APIP: variants seen among roughly 807,000 people sequenced by gnomAD.
APIP encodes methylthioribulose-1-phosphate dehydratase.
Under a neutral mutation model 32.0 loss-of-function variants are expected in APIP, and 32 were observed. The ratio of observed to expected loss-of-function variants is 1.00; its 90% CI spans 0.76 to 1.34. The LOEUF (loss-of-function observed/expected upper bound fraction) is 1.34, where lower values mean the gene tolerates loss of function less well. Among genes scored for constraint, APIP ranks in the 40% most tolerant of loss-of-function variants. The pLI is 0.00. For synonymous variants in APIP, 92 were observed against 94.8 expected (o/e 0.97, Z 0.17); for missense variants, 247 against 298.6 (o/e 0.83, Z 1.27).
intron 1 of APIP, among the ~76,000 whole-genome samples, chr11:34,905,824 G>A (rs1486436843): frequency 6.6e-6 from 1 of 152,110 alleles, no homozygotes; most frequent in African/African-American, 2.4e-5. Context: ...CCCCCTCATG[G>A]AATTCCAGAC....
At chr11:34,887,178 G>A (rs1430904959) in intron 5 of APIP, among the ~76,000 whole-genome samples, 1 of 141,786 alleles carries the variant, frequency 7.1e-6, no homozygotes, top group Non-Finnish European at 1.6e-5. Flanking sequence ...CACCATGCTT[G>A]GCCTCTCCAC....
intron 1 of APIP, chr11:34,896,874 AC>A: frequency 8.3e-7 from 1 of 1,197,744 alleles, no homozygotes; most frequent in South Asian, 1.3e-5. Flanking sequence ...ATGAGACAAA[AC>A]CCAGGGCCTG....
At chr11:34,909,163 C>T (rs538024958) in intron 1 of APIP, among the ~76,000 whole-genome samples, 12 of 152,038 alleles carry the variant, frequency 7.9e-5, no homozygotes, top group African/African-American at 2.9e-4. Flanking sequence ...AGGAGACAAA[C>T]GAAGGCTTCA....
Position 34,893,901 on chromosome 11 carries a change from A to T in APIP, c.158+1109T>A, listed in dbSNP as rs1196811636. Among the ~76,000 whole-genome samples, 3 of 152,226 alleles carry T rather than the reference A, an allele frequency of 2.0e-5. No homozygotes were observed. In the East Asian group the frequency reaches 5.8e-4, roughly 29 times the overall value. On this transcript the variant is annotated intron_variant, in intron 2 of 6. Coordinates refer to ENST00000395787, the MANE Select transcript of APIP (RefSeq NM_015957.4). ...TTGGGGGCATGACTATATATATTCA[A>T]CAGCACATAAATATTTTAATAATCC...
chr11:34,899,650 T>C, intron 1 of APIP, among the ~76,000 whole-genome samples: 1 of 152,156 alleles, frequency 6.6e-6, no homozygotes, highest in East Asian at 1.9e-4. Flanking sequence ...GTCGCAGAAG[T>C]CTAGGAGGTT....
intron 5 of APIP, among the ~76,000 whole-genome samples, chr11:34,887,188 C>T (rs1178118988): frequency 1.0e-5 from 1 of 97,922 alleles, no homozygotes; most frequent in Non-Finnish European, 2.6e-5. Context: ...GGCCTCTCCA[C>T]AAAATTGCAA....
chr11:34,905,913 C>T (rs1203313353), intron 1 of APIP, among the ~76,000 whole-genome samples: 1 of 152,154 alleles, frequency 6.6e-6, no homozygotes, highest in Non-Finnish European at 1.5e-5. Flanking sequence ...CAGCCCTTGC[C>T]ACAGGATCAT....
chr11:34,883,624 C>T lies in APIP; in HGVS notation c.462-120G>A, dbSNP rs188743195. 20 of 926,868 alleles carry T rather than the reference C, an allele frequency of 2.2e-5. No individual in the cohort carries two copies. In the East Asian group the frequency reaches 5.0e-4, roughly 23 times the overall value. The allele number at this position is 926,868 out of a possible 1,614,324, so 57.4% of individuals were successfully genotyped here. Reference sequence around the variant, plus strand: ...GCTGTTTGTGTCTGAAAAGCCACTCCAAATTATGAACAGGATGTTGCGTGT... The same window carrying T: ...GCTGTTTGTGTCTGAAAAGCCACTCTAAATTATGAACAGGATGTTGCGTGT... On this transcript the variant is annotated intron_variant, in intron 5 of 6. Coordinates refer to ENST00000395787, the MANE Select transcript of APIP (RefSeq NM_015957.4).
chr11:34,912,706 G>C (rs183135190), intron 1 of APIP, among the ~76,000 whole-genome samples: 1 of 152,160 alleles, frequency 6.6e-6, no homozygotes, highest in Non-Finnish European at 1.5e-5. Context: ...GATGCTTCCC[G>C]ACTTGAACAC....
chr11:34,887,797 A>G (rs1853104408), intron 5 of APIP, among the ~76,000 whole-genome samples: 1 of 152,176 alleles, frequency 6.6e-6, no homozygotes, highest in Non-Finnish European at 1.5e-5. Context: ...TAGAATGGTA[A>G]TCTATACTTA....
At chr11:34,905,372 C>A (rs1853431779) in intron 1 of APIP, among the ~76,000 whole-genome samples, 1 of 152,170 alleles carries the variant, frequency 6.6e-6, no homozygotes, top group Non-Finnish European at 1.5e-5. Flanking sequence ...CTTACAATGA[C>A]CCAGAATTCA....
Position 34,883,296 on chromosome 11 carries a change from G to A in APIP, c.629+41C>T, listed in dbSNP as rs146983826. 1.6e-5 allele frequency: 25 copies of A among 1,532,082 alleles called. No individual in the cohort carries two copies. In the East Asian group the frequency reaches 2.6e-4, roughly 16 times the overall value. The allele number at this position is 1,532,082 out of a possible 1,614,324, so 94.9% of individuals were successfully genotyped here. ...TACTTTGTTTTCCTTCACATTTAGC[G>A]GGTGGTAACTTGTTCCCCATGTTCT... On this transcript the variant is annotated intron_variant, in intron 6 of 6. Transcript: ENST00000395787.
At chr11:34,901,472 A>AAAGG (rs971375910) in intron 1 of APIP, among the ~76,000 whole-genome samples, 1 of 152,090 alleles carries the variant, frequency 6.6e-6, no homozygotes, top group Non-Finnish European at 1.5e-5. Context: ...TCTGGAAATC[A>AAAGG]AAGGAAGGAA....
intron 1 of APIP, among the ~76,000 whole-genome samples, chr11:34,911,047 G>A (rs769057761): frequency 2.0e-5 from 3 of 152,156 alleles, no homozygotes; most frequent in African/African-American, 7.2e-5. Flanking sequence ...CCAGAGGACT[G>A]TCACATGCTA....
At chr11:34,900,537 A>G (rs1444323390) in intron 1 of APIP, among the ~76,000 whole-genome samples, 1 of 152,142 alleles carries the variant, frequency 6.6e-6, no homozygotes, top group Non-Finnish European at 1.5e-5. Flanking sequence ...TCCAAAATTT[A>G]ACTCAGGTAT....
intron 1 of APIP, among the ~76,000 whole-genome samples, chr11:34,910,322 C>T (rs189423450): frequency 2.9e-4 from 44 of 152,306 alleles, no homozygotes; most frequent in Middle Eastern, 3.4e-3. Context: ...TCGCAGTGAG[C>T]TTCACTCACT....
In APIP at chr11:34,895,078, T is replaced by C. The variant is rs1853245360; in HGVS notation, c.90A>G (p.Glu30=). ...CTAAATGGTAAAACTGTTTGCAAAGTTCTGGGATCAGGTATCTTGGATGCT... is the reference window on the plus strand; with the variant it reads ...CTAAATGGTAAAACTGTTTGCAAAGCTCTGGGATCAGGTATCTTGGATGCT... The part of the protein sequence containing the change: ...DKEHPRYLIP[E]LCKQFYHLGW... The change falls in exon 2 of 7, where the codon GAA becomes GAG. Residue 30 remains glutamate, a synonymous_variant. Transcript: ENST00000395787. 2 of 1,614,022 alleles carry C rather than the reference T, an allele frequency of 1.2e-6. No individual in the cohort carries two copies. Among genetic ancestry groups the C allele is most frequent in the Non-Finnish European group, 1.7e-6 (2 of 1,179,998 alleles).
intron 1 of APIP, among the ~76,000 whole-genome samples, chr11:34,910,078 T>C (rs1407989264): frequency 6.6e-6 from 1 of 152,208 alleles, no homozygotes; most frequent in Non-Finnish European, 1.5e-5. Flanking sequence ...GAAACAAAGA[T>C]GGGCTGTTGG....
intron 1 of APIP, among the ~76,000 whole-genome samples, chr11:34,902,163 C>G (rs1348756115): frequency 6.6e-6 from 1 of 152,180 alleles, no homozygotes; most frequent in Non-Finnish European, 1.5e-5. Context: ...TTTCTGCATA[C>G]CATTACATCC....
Sources: allele counts gnomAD v4.1 joint callset (sites outside exome capture counted in the v4.1 genomes callset), GRCh38; gene constraint gnomAD v4.1.1; transcripts MANE v1.5; gene names NCBI Gene and HGNC (gene_info 2026-07-23, HGNC 2026-07-21).